Variants in ADAD1 observed in about 807,000 individuals in gnomAD.
ADAD1 encodes the protein adenosine deaminase domain containing 1.
Under a neutral mutation model 66.8 loss-of-function variants are expected in ADAD1, and 46 were observed. The observed-to-expected ratio is 0.69, with a 90% CI of 0.54 to 0.88. ADAD1 has a LOEUF of 0.88. ADAD1 is among the 40% of genes least tolerant of loss of function. The pLI, the probability that ADAD1 is intolerant of heterozygous loss-of-function variation, is 0.00. For missense variants in ADAD1, 617 were observed against 681.8 expected (o/e 0.91, Z 1.06); for synonymous variants, 248 against 229.4 (o/e 1.08, Z -0.73).
chr4:122,422,956 T>TAAAAAAAAAAAAAAAAAA (rs537676034), intron 12 of ADAD1, among the ~76,000 whole-genome samples: 1 of 97,192 alleles, frequency 1.0e-5, no homozygotes, highest in South Asian at 3.6e-4. Context: ...TATTTCTCTT[T>TAAAAAAAAAAAAAAAAAA]AAAAAAAAAA....
At chr4:122,402,538 C>T (rs1012015440) in intron 7 of ADAD1, among the ~76,000 whole-genome samples, 6 of 152,098 alleles carry the variant, frequency 3.9e-5, no homozygotes, top group African/African-American at 1.2e-4. Context: ...TGGATGTCTA[C>T]ATCTCTAGCA....
In ADAD1 at chr4:122,415,399, A is replaced by G. The variant is rs1325332964; in HGVS notation, c.1270A>G (p.Thr424Ala). The stretch of plus-strand genomic sequence containing the variant: ...TCTAGGTGATGGGAATTGCAGTGAT[A>G]CCAGAGGCTTAGAAATCGCTATAAA... ...ILIGDGNCSD[T>A]RGLEIAIKQR... Residue 424 changes from threonine (T) to alanine (A), a missense_variant, in exon 11 of 13, where the codon ACC becomes GCC. Transcript: ENST00000296513. The G allele has an allele frequency of 1.9e-6, 3 of 1,613,616 alleles. No homozygotes were observed. The highest frequency in any genetic ancestry group is 2.5e-6 in the Non-Finnish European group (3 of 1,179,718).
intron 9 of ADAD1, among the ~76,000 whole-genome samples, chr4:122,412,118 T>C (rs1796492896): frequency 6.6e-6 from 1 of 152,186 alleles, no homozygotes; most frequent in South Asian, 2.1e-4. Flanking sequence ...TAAAAATCCC[T>C]CTAGGAACAC....
chr4:122,400,671 A>C (rs1795932644), intron 7 of ADAD1, among the ~76,000 whole-genome samples: 1 of 151,198 alleles, frequency 6.6e-6, no homozygotes, highest in Non-Finnish European at 1.5e-5. Context: ...TTATGGTTTC[A>C]CTCTGACTGC....
intron 9 of ADAD1, among the ~76,000 whole-genome samples, chr4:122,411,621 A>G (rs1269733265): frequency 6.6e-6 from 1 of 152,200 alleles, no homozygotes; most frequent in Non-Finnish European, 1.5e-5. Flanking sequence ...GAGATTCAAA[A>G]TGCTCCAGAA....
At chr4:122,410,606 C>T (rs1260909991) in intron 8 of ADAD1, among the ~76,000 whole-genome samples, 1 of 152,032 alleles carries the variant, frequency 6.6e-6, no homozygotes, top group South Asian at 2.1e-4. Context: ...ATTGGGATAT[C>T]CCTCTCCTCA....
At chr4:122,410,894 ACT>A (rs1193766632) in intron 8 of ADAD1, among the ~76,000 whole-genome samples, 5 of 152,128 alleles carry the variant, frequency 3.3e-5, no homozygotes, top group African/African-American at 9.7e-5. Context: ...TGGGAGCAGA[ACT>A]CTCTGAGGAA....
At chr4:122,383,633 C>A (rs915821713) in intron 4 of ADAD1, among the ~76,000 whole-genome samples, 166 bp from the exon 5 acceptor site, 1 of 151,888 alleles carries the variant, frequency 6.6e-6, no homozygotes, top group African/African-American at 2.4e-5. Context: ...GATGCCCATT[C>A]AGTTTTAGTT....
chr4:122,380,500 A>G, intron 3 of ADAD1: 1 of 456,258 alleles, frequency 2.2e-6, no homozygotes, highest in Non-Finnish European at 3.9e-6. Context: ...TTCTGAGGTG[A>G]GGCGCAAGGG....
chr4:122,402,924 G>T (rs1382968281), intron 7 of ADAD1, among the ~76,000 whole-genome samples: 1 of 151,926 alleles, frequency 6.6e-6, no homozygotes, highest in Non-Finnish European at 1.5e-5. Flanking sequence ...TCTTTAAGTT[G>T]GTTTTCACCT....
At chr4:122,408,458 T>G (rs140847805) in intron 8 of ADAD1, among the ~76,000 whole-genome samples, 1,841 of 152,286 alleles carry the variant, frequency 0.012, 34 homozygotes, top group African/African-American at 0.041. Context: ...TGTATTTTAG[T>G]AGAGACAAGG....
chr4:122,412,109 A>T (rs1796492557), intron 9 of ADAD1, among the ~76,000 whole-genome samples: 1 of 152,206 alleles, frequency 6.6e-6, no homozygotes, highest in Non-Finnish European at 1.5e-5. Flanking sequence ...ATATTTTAAT[A>T]AAAATCCCTC....
intron 5 of ADAD1, among the ~76,000 whole-genome samples, chr4:122,387,894 G>A (rs1795251671): frequency 6.6e-6 from 1 of 151,796 alleles, no homozygotes; most frequent in Admixed American, 6.6e-5. Flanking sequence ...CGAGTAGCTG[G>A]GACTACAGGC....
intron 12 of ADAD1, among the ~76,000 whole-genome samples, chr4:122,426,337 A>G (rs2150613300): frequency 6.6e-6 from 1 of 152,292 alleles, no homozygotes; most frequent in East Asian, 1.9e-4. Flanking sequence ...CAAATTACTA[A>G]TTAAATTATT....
rs1384294687 is a variant in ADAD1, at chr4:122,380,109, C to A, written c.40C>A (p.Pro14Thr). Residue 14 changes from proline (P) to threonine (T), a missense_variant, in exon 3 of 13, where the codon CCC becomes ACC. Transcript: ENST00000296513. Reference sequence around the variant, plus strand: ...TCATTGGTTTCAGAGTTCGCAGGTCCCCAGCTTTGCCCAGATGCTGAAAAA... The same window carrying A: ...TCATTGGTTTCAGAGTTCGCAGGTCACCAGCTTTGCCCAGATGCTGAAAAA... ...NNHWFQSSQV[P>T]SFAQMLKKNL... 1 of 1,613,984 alleles carries A rather than the reference C, an allele frequency of 6.2e-7. No individual in the cohort carries two copies. Among genetic ancestry groups the A allele is most frequent in the Non-Finnish European group, 8.5e-7 (1 of 1,179,994 alleles).
chr4:122,393,185 T>A (rs1795539014), intron 5 of ADAD1, among the ~76,000 whole-genome samples: 1 of 152,056 alleles, frequency 6.6e-6, no homozygotes, highest in Non-Finnish European at 1.5e-5. Context: ...CTTAGAAAAA[T>A]GGCCTGGTAA....
intron 4 of ADAD1, among the ~76,000 whole-genome samples, chr4:122,383,426 A>T (rs1161582388): frequency 6.6e-6 from 1 of 152,224 alleles, no homozygotes; most frequent in Non-Finnish European, 1.5e-5. Context: ...AGTTTTAAAG[A>T]TGTGAGATGT....
chr4:122,386,710 G>A (rs1795191268), intron 5 of ADAD1, among the ~76,000 whole-genome samples: 1 of 152,128 alleles, frequency 6.6e-6, no homozygotes, highest in South Asian at 2.1e-4. Context: ...GTTAATTTTT[G>A]TATAAGGTGT....
At chr4:122,401,180 G>C (rs1217846339) in intron 7 of ADAD1, among the ~76,000 whole-genome samples, 1 of 151,996 alleles carries the variant, frequency 6.6e-6, no homozygotes, top group Non-Finnish European at 1.5e-5. Flanking sequence ...CTGTATCCCA[G>C]AGGTTTTGAT....
Sources: gnomAD v4.1 joint callset for allele counts (sites outside exome capture counted in the v4.1 genomes callset) on GRCh38, gnomAD v4.1.1 for gene constraint, MANE v1.5 for transcripts, NCBI Gene and HGNC (gene_info 2026-07-23, HGNC 2026-07-21) for gene names.